The following EPN2 variants were observed in gnomAD, a reference collection of about 807,000 sequenced individuals.
EPN2 encodes the protein epsin-2.
In EPN2, 34 loss-of-function variants were observed where a neutral mutation model predicts 61.7. That is an observed-to-expected ratio of 0.55 (90% CI 0.42 to 0.73). The LOEUF (loss-of-function observed/expected upper bound fraction) is 0.73. Among genes scored for constraint, EPN2 ranks in the 30% least tolerant of loss-of-function variants. The probability of loss-of-function intolerance (pLI) is 0.00; values close to 1 mark genes in which losing one functional copy is unlikely to be tolerated. For synonymous variants in EPN2, 349 were observed against 353.6 expected (o/e 0.99, Z 0.15); for missense variants, 714 against 839.2 (o/e 0.85, Z 1.84).
At chr17:19,314,868 G>A (rs886437798) in intron 7 of EPN2, among the ~76,000 whole-genome samples, 4 of 152,250 alleles carry the variant, frequency 2.6e-5, no homozygotes, top group African/African-American at 9.6e-5. Context: ...TTAGACAGTG[G>A]CTTTGGCTTT....
At chr17:19,312,642 C>T (rs965729414) in intron 6 of EPN2, among the ~76,000 whole-genome samples, 12 of 152,236 alleles carry the variant, frequency 7.9e-5, no homozygotes, top group African/African-American at 2.4e-4. Context: ...TCCTCTGTTA[C>T]AGTGCTACTG....
intron 5 of EPN2, 135 bp from the exon 6 acceptor site, chr17:19,311,917 T>C: frequency 1.4e-6 from 1 of 697,334 alleles, no homozygotes; most frequent in Non-Finnish European, 2.5e-6. Context: ...AAAGTAATTG[T>C]GTTTTACAAG....
At chr17:19,266,409 T>A (rs192542598) in intron 1 of EPN2, among the ~76,000 whole-genome samples, 154 of 151,282 alleles carry the variant, frequency 1.0e-3, no homozygotes, top group Admixed American at 1.4e-3. Context: ...TATTTTATTT[T>A]TTTTTTTTTT....
chr17:19,266,758 A>C (rs1475499450), intron 1 of EPN2, among the ~76,000 whole-genome samples: 1 of 151,992 alleles, frequency 6.6e-6, no homozygotes, highest in African/African-American at 2.4e-5. Context: ...ATAGCCAAAA[A>C]AATTAGTAAC....
chr17:19,335,323 A>G lies in EPN2; in HGVS notation c.*1069A>G. ...CTATTTTTCTTACGAATATACCAAC[A>G]TCCTGAAAGTTAAAGAAAAAAATCT... is the stretch of plus-strand genomic sequence containing the variant. On this transcript the variant is annotated 3_prime_UTR_variant, in exon 11 of 11. Transcript: ENST00000314728. The G allele has an allele frequency of 1.4e-6, 2 of 1,405,554 alleles. No individual in the cohort carries two copies. The highest frequency in any genetic ancestry group is 1.9e-6 in the Non-Finnish European group (2 of 1,032,560). The allele number at this position is 1,405,554 out of a possible 1,614,324, so 87.1% of individuals were successfully genotyped here.
intron 1 of EPN2, among the ~76,000 whole-genome samples, chr17:19,237,896 C>T (rs1038439696): frequency 1.3e-5 from 2 of 152,206 alleles, no homozygotes; most frequent in Non-Finnish European, 2.9e-5. Context: ...TGGAACAACC[C>T]CGCCCCCTCC....
chr17:19,290,223 C>G (rs1442892036), intron 4 of EPN2, among the ~76,000 whole-genome samples: 1 of 152,146 alleles, frequency 6.6e-6, no homozygotes, highest in African/African-American at 2.4e-5. Context: ...AGGGATTTGC[C>G]TAAGATCACG....
chr17:19,298,207 C>T (rs1265509987), intron 4 of EPN2, among the ~76,000 whole-genome samples: 1 of 152,032 alleles, frequency 6.6e-6, no homozygotes, highest in Non-Finnish European at 1.5e-5. Flanking sequence ...TTTTATTTAT[C>T]TTTTTGAGAC....
At chr17:19,325,066 C>T (rs568971775) in intron 7 of EPN2, among the ~76,000 whole-genome samples, 6 of 152,238 alleles carry the variant, frequency 3.9e-5, no homozygotes, top group African/African-American at 1.4e-4. Context: ...TAATAAAAAA[C>T]CTATAAATAG....
chr17:19,245,508 C>T (rs192048339), intron 1 of EPN2, among the ~76,000 whole-genome samples: 1 of 145,716 alleles, frequency 6.9e-6, no homozygotes, highest in African/African-American at 2.7e-5. Context: ...GGGATCTCAG[C>T]TCACTGCAGC....
At chr17:19,327,300 ACTCT>A (rs1491396895) in intron 7 of EPN2, among the ~76,000 whole-genome samples, 1 of 152,114 alleles carries the variant, frequency 6.6e-6, no homozygotes, top group African/African-American at 2.4e-5. Context: ...AACACAGATG[ACTCT>A]CTCAAATAAA....
chr17:19,258,840 G>A (rs1158082575), intron 1 of EPN2, among the ~76,000 whole-genome samples: 2 of 152,212 alleles, frequency 1.3e-5, no homozygotes, highest in African/African-American at 2.4e-5. Flanking sequence ...GCCAACCCCA[G>A]CCTTCCCACA....
chr17:19,293,351 CAA>C (rs1315764652), intron 4 of EPN2, among the ~76,000 whole-genome samples: 1 of 127,322 alleles, frequency 7.9e-6, no homozygotes, highest in Non-Finnish European at 1.6e-5. Flanking sequence ...GCCTGGGTGA[CAA>C]GAGCGAAACT....
In EPN2 at chr17:19,329,557, C is replaced by A. The variant is rs775917430; in HGVS notation, c.1325-4C>A. The A allele has an allele frequency of 6.2e-7, 1 of 1,602,962 alleles. No individual in the cohort carries two copies. The highest frequency in any genetic ancestry group is 2.2e-5 in the East Asian group (1 of 44,820). On this transcript the variant is annotated splice_region_variant and splice_polypyrimidine_tract_variant and intron_variant, in intron 8 of 10. Transcript: ENST00000314728. ...CCCAGTCATTGGCTTCTGTGTCCAC[C>A]CAGGGTCCTTTGAGCTCTTCAGTAA... is the stretch of plus-strand genomic sequence containing the variant.
chr17:19,247,647 G>C (rs1215946953), intron 1 of EPN2, among the ~76,000 whole-genome samples: 2 of 152,238 alleles, frequency 1.3e-5, no homozygotes, highest in Non-Finnish European at 2.9e-5. Flanking sequence ...CAGGTGGCCA[G>C]ATGGCCACTG....
At chr17:19,238,450 C>T (rs919654358) in intron 1 of EPN2, among the ~76,000 whole-genome samples, 1 of 152,178 alleles carries the variant, frequency 6.6e-6, no homozygotes, top group Non-Finnish European at 1.5e-5. Flanking sequence ...ATCCCCCCGC[C>T]GGAGCTTGTG....
intron 4 of EPN2, among the ~76,000 whole-genome samples, chr17:19,301,218 T>A (rs12939947): frequency 0.56 from 85,378 of 152,016 alleles, 30,826 homozygotes; most frequent in Non-Finnish European, 0.81. Flanking sequence ...TGTGTTTCTA[T>A]CTCTTCTAAG....
At chr17:19,247,835 G>C (rs1430964305) in intron 1 of EPN2, among the ~76,000 whole-genome samples, 3 of 152,204 alleles carry the variant, frequency 2.0e-5, no homozygotes, top group Non-Finnish European at 4.4e-5. Flanking sequence ...TCTAGAGATG[G>C]AGAATGAAGA....
chr17:19,257,467 C>T (rs1597974985), intron 1 of EPN2, among the ~76,000 whole-genome samples: 1 of 151,988 alleles, frequency 6.6e-6, no homozygotes, highest in Non-Finnish European at 1.5e-5. Flanking sequence ...ACGTCAAGTC[C>T]TAGTTCGGTC....
Sources: allele counts gnomAD v4.1 joint callset (sites outside exome capture counted in the v4.1 genomes callset), GRCh38; gene constraint gnomAD v4.1.1; transcripts MANE v1.5; gene names NCBI Gene and HGNC (gene_info 2026-07-23, HGNC 2026-07-21).